HS6ST3: variants seen among roughly 807,000 people sequenced by gnomAD.
The protein encoded by HS6ST3 is heparan-sulfate 6-O-sulfotransferase 3.
Under a neutral mutation model 36.7 loss-of-function variants are expected in HS6ST3, and 12 were observed. That is an observed-to-expected ratio of 0.33 (90% CI 0.21 to 0.53). HS6ST3 has a LOEUF of 0.53. Among genes scored for constraint, HS6ST3 ranks in the 20% least tolerant of loss-of-function variants. HS6ST3 has a pLI of 0.95. For missense variants in HS6ST3, 584 were observed against 640.9 expected, an observed-to-expected ratio of 0.91 and a Z score of 0.96; for synonymous variants, 240 against 257.5, an observed-to-expected ratio of 0.93 and a Z score of 0.65.
At chr13:96,249,658 T>C (rs1385300427) in intron 1 of HS6ST3, among the ~76,000 whole-genome samples, 1 of 152,146 alleles carries the variant, frequency 6.6e-6, no homozygotes, top group Non-Finnish European at 1.5e-5. Flanking sequence ...AGGTGAATCT[T>C]TTTCATGTCA....
intron 1 of HS6ST3, among the ~76,000 whole-genome samples, chr13:96,751,033 C>T (rs899461075): frequency 6.6e-6 from 1 of 152,100 alleles, no homozygotes; most frequent in Non-Finnish European, 1.5e-5. Context: ...TTTATTTTAT[C>T]TACATATTTG....
At chr13:96,448,794 A>C (rs2139484439) in intron 1 of HS6ST3, among the ~76,000 whole-genome samples, 1 of 152,194 alleles carries the variant, frequency 6.6e-6, no homozygotes, top group East Asian at 1.9e-4. Flanking sequence ...CTTTGTGTTG[A>C]AATTGTTTGC....
intron 1 of HS6ST3, among the ~76,000 whole-genome samples, chr13:96,722,094 C>T (rs1341835969): frequency 2.6e-5 from 4 of 151,988 alleles, no homozygotes; most frequent in African/African-American, 9.7e-5. Context: ...GGTGAAACCT[C>T]GTCTCTACTA....
intron 1 of HS6ST3, among the ~76,000 whole-genome samples, chr13:96,632,494 T>A (rs2056535565): frequency 6.6e-6 from 1 of 152,206 alleles, no homozygotes. Flanking sequence ...CTTTGATTTC[T>A]GATTATCAAA....
chr13:96,771,715 G>C (rs145404341), intron 1 of HS6ST3, among the ~76,000 whole-genome samples: 1,633 of 152,272 alleles, frequency 0.011, 16 homozygotes, highest in Non-Finnish European at 0.017. Context: ...CTCCTAGGCA[G>C]TTAGAGCAGA....
intron 1 of HS6ST3, among the ~76,000 whole-genome samples, chr13:96,652,933 A>G (rs2056612447): frequency 6.6e-6 from 1 of 152,120 alleles, no homozygotes; most frequent in Non-Finnish European, 1.5e-5. Context: ...ACAAAATTCA[A>G]ATCACACTAT....
chr13:96,706,812 T>C (rs192308796), intron 1 of HS6ST3, among the ~76,000 whole-genome samples: 86 of 152,100 alleles, frequency 5.7e-4, no homozygotes, highest in Non-Finnish European at 1.1e-3. Flanking sequence ...CGTGACTGAG[T>C]CTAGTTCTGA....
At chr13:96,684,470 C>T (rs1368989057) in intron 1 of HS6ST3, among the ~76,000 whole-genome samples, 2 of 151,936 alleles carry the variant, frequency 1.3e-5, no homozygotes, top group African/African-American at 4.8e-5. Flanking sequence ...CAGGGCTAGG[C>T]GACTTATGTG....
intron 1 of HS6ST3, among the ~76,000 whole-genome samples, chr13:96,323,032 G>T (rs1276316658): frequency 3.3e-5 from 5 of 152,004 alleles, no homozygotes; most frequent in Non-Finnish European, 1.5e-5. Flanking sequence ...CCTTGCACTG[G>T]TTCATCACAA....
intron 1 of HS6ST3, among the ~76,000 whole-genome samples, chr13:96,504,022 C>A (rs2056016151): frequency 6.6e-6 from 1 of 152,134 alleles, no homozygotes; most frequent in Non-Finnish European, 1.5e-5. Flanking sequence ...GGACACTAAT[C>A]CCATCTATGA....
intron 1 of HS6ST3, among the ~76,000 whole-genome samples, chr13:96,646,328 A>G (rs910926198): frequency 6.6e-6 from 1 of 151,996 alleles, no homozygotes; most frequent in Admixed American, 6.6e-5. Flanking sequence ...GAACTTGCCA[A>G]TTGATGCTTC....
intron 1 of HS6ST3, among the ~76,000 whole-genome samples, chr13:96,285,283 C>T (rs1328646962): frequency 6.6e-6 from 1 of 152,178 alleles, no homozygotes; most frequent in East Asian, 1.9e-4. Flanking sequence ...GCAGCTGACA[C>T]TTCTGATCAT....
At chr13:96,232,642 C>T (rs2139368308) in intron 1 of HS6ST3, among the ~76,000 whole-genome samples, 1 of 152,068 alleles carries the variant, frequency 6.6e-6, no homozygotes, top group African/African-American at 2.4e-5. Flanking sequence ...AGGAGGGTTT[C>T]CAGGGAGCCC....
chr13:96,778,258 G>A (rs901030274), intron 1 of HS6ST3, among the ~76,000 whole-genome samples: 9 of 152,176 alleles, frequency 5.9e-5, no homozygotes, highest in African/African-American at 2.2e-4. Context: ...CAGGACATAG[G>A]ACTGGACAAA....
intron 1 of HS6ST3, among the ~76,000 whole-genome samples, chr13:96,443,574 T>G (rs901258191): frequency 1.3e-5 from 2 of 152,110 alleles, no homozygotes. Context: ...AGCCTAATTT[T>G]GATCACTATT....
chr13:96,328,972 G>C lies in HS6ST3; in HGVS notation c.707+237403G>C, dbSNP rs1039875325. Among the ~76,000 whole-genome samples the C allele has an allele frequency of 4.4e-3, 662 of 151,572 alleles. 4 individuals carry two copies. The highest frequency in any genetic ancestry group is 0.015 in the African/African-American group (630 of 41,318). On this transcript the variant is annotated intron_variant, in intron 1 of 1. Coordinates refer to ENST00000376705, the MANE Select transcript of HS6ST3 (RefSeq NM_153456.4). ...AGATTTTCTAGTTTATTTGCGTAGAGGTGTTTGTAGTATTCTCTGATGGTA... is the reference window on the plus strand; with the variant it reads ...AGATTTTCTAGTTTATTTGCGTAGACGTGTTTGTAGTATTCTCTGATGGTA...
At chr13:96,600,427 T>C (rs2056417391) in intron 1 of HS6ST3, among the ~76,000 whole-genome samples, 1 of 151,962 alleles carries the variant, frequency 6.6e-6, no homozygotes. Context: ...ATAATGACCT[T>C]CTTTGTCTTT....
intron 1 of HS6ST3, among the ~76,000 whole-genome samples, chr13:96,237,550 C>A (rs1330806144): frequency 6.6e-6 from 1 of 152,096 alleles, no homozygotes; most frequent in Non-Finnish European, 1.5e-5. Context: ...AAAAATAAAC[C>A]TCAAATAGTT....
chr13:96,181,030 T>G (rs986171871), intron 1 of HS6ST3, among the ~76,000 whole-genome samples: 1 of 152,224 alleles, frequency 6.6e-6, no homozygotes, highest in Non-Finnish European at 1.5e-5. Context: ...AAGGTAATAA[T>G]ATTAATGTTC....
Sources: gnomAD v4.1 joint callset for allele counts (sites outside exome capture counted in the v4.1 genomes callset) on GRCh38, gnomAD v4.1.1 for gene constraint, MANE v1.5 for transcripts, NCBI Gene and HGNC (gene_info 2026-07-23, HGNC 2026-07-21) for gene names.